Variants in PDS5A observed in about 807,000 individuals in gnomAD.
PDS5A encodes PDS5 cohesin associated factor A.
In PDS5A, 42 loss-of-function variants were observed where a neutral mutation model predicts 167.1. The ratio of observed to expected loss-of-function variants is 0.25; its 90% CI spans 0.20 to 0.33. The LOEUF (loss-of-function observed/expected upper bound fraction) is 0.33, where lower values mean the gene tolerates loss of function less well. Ranked by LOEUF, PDS5A falls within the 10% of genes least tolerant of loss-of-function variation. PDS5A has a pLI of 1.00. For missense variants in PDS5A, 1,033 were observed against 1,605.9 expected, an observed-to-expected ratio of 0.64 and a Z score of 6.10; for synonymous variants, 553 against 554.6, an observed-to-expected ratio of 1.00 and a Z score of 0.04.
chr4:39,841,184 G>C (rs1189492952), intron 31 of PDS5A, among the ~76,000 whole-genome samples: 1 of 152,206 alleles, frequency 6.6e-6, no homozygotes, highest in African/African-American at 2.4e-5. Flanking sequence ...CTGTCGTTCA[G>C]GCTGGAGTGC....
intron 26 of PDS5A, among the ~76,000 whole-genome samples, chr4:39,850,038 C>T (rs1027287593): frequency 8.6e-5 from 13 of 151,776 alleles, no homozygotes; most frequent in Admixed American, 2.6e-4. Flanking sequence ...TTTGGGAGGC[C>T]GAGGTGGGCA....
At chr4:39,911,887 CA>C (rs1348309264) in intron 9 of PDS5A, among the ~76,000 whole-genome samples, 2 of 148,630 alleles carry the variant, frequency 1.3e-5, no homozygotes, top group Admixed American at 6.7e-5. Context: ...AAGGAACCCT[CA>C]AATTTAAAAC....
chr4:39,863,782 T>G (rs1314623126), intron 23 of PDS5A, among the ~76,000 whole-genome samples: 1 of 152,206 alleles, frequency 6.6e-6, no homozygotes, highest in Non-Finnish European at 1.5e-5. Flanking sequence ...AAAAACTCTT[T>G]ACATCAGGAG....
intron 19 of PDS5A, among the ~76,000 whole-genome samples, chr4:39,875,759 C>G (rs1042320971): frequency 5.9e-5 from 9 of 152,138 alleles, no homozygotes; most frequent in African/African-American, 2.2e-4. Context: ...TTTCCTCTCT[C>G]CTATCTGTTT....
At position 39,825,503 on chromosome 4, in the gene PDS5A, T is replaced by A; in HGVS notation, c.4011-15A>T. Reference sequence around the variant, plus strand: ...TGCATTTTTACCTTAGGGTTAAGAATAGAACGCAAAGTTAGAAAAGATGTG... The same window carrying A: ...TGCATTTTTACCTTAGGGTTAAGAAAAGAACGCAAAGTTAGAAAAGATGTG... On this transcript the variant is annotated splice_polypyrimidine_tract_variant and intron_variant, in intron 32 of 32. Transcript: ENST00000303538. The A allele has an allele frequency of 6.4e-7, 1 of 1,568,522 alleles. No homozygotes were observed. The highest frequency in any genetic ancestry group is 1.2e-5 in the South Asian group (1 of 85,258).
intron 23 of PDS5A, among the ~76,000 whole-genome samples, chr4:39,866,326 C>T (rs1350553052): frequency 6.6e-6 from 1 of 151,994 alleles, no homozygotes; most frequent in Non-Finnish European, 1.5e-5. Flanking sequence ...ACCATATTGG[C>T]CAGGCTGGTC....
intron 2 of PDS5A, among the ~76,000 whole-genome samples, chr4:39,953,324 T>C (rs1227890070): frequency 2.0e-5 from 3 of 152,084 alleles, no homozygotes; most frequent in Admixed American, 2.0e-4. Flanking sequence ...GTGAGAAACC[T>C]AGGTTGTTGG....
In PDS5A at chr4:39,877,156, G is replaced by GA. The variant is rs758876359; in HGVS notation, c.1993-4dup. The GA allele has an allele frequency of 5.2e-6, 8 of 1,524,728 alleles. No homozygotes were observed. In the African/African-American group the frequency reaches 5.6e-5, roughly 11 times the overall value. The allele number at this position is 1,524,728 out of a possible 1,614,324, so 94.4% of individuals were successfully genotyped here. A position where few individuals can be genotyped will look rare whatever the true frequency, so the allele number is the denominator to read the frequency against. Reference sequence around the variant, plus strand: ...GTAGGATGTGTAAAAGACAGAACCTGAAAAAACAGATACAGCTTTAGAAGT... The same window carrying GA: ...GTAGGATGTGTAAAAGACAGAACCTGAAAAAAACAGATACAGCTTTAGAAGT... On this transcript the variant is annotated splice_polypyrimidine_tract_variant and splice_region_variant and intron_variant, in intron 18 of 32. Transcript: ENST00000303538.
At chr4:39,880,376 T>C (rs1356365339) in intron 17 of PDS5A, among the ~76,000 whole-genome samples, 1 of 152,162 alleles carries the variant, frequency 6.6e-6, no homozygotes, top group Non-Finnish European at 1.5e-5. Context: ...ATTAAGGAAT[T>C]AGTTTTTCAA....
At chr4:39,893,002 T>C (rs1471664318) in intron 16 of PDS5A, among the ~76,000 whole-genome samples, 5 of 152,232 alleles carry the variant, frequency 3.3e-5, no homozygotes, top group Non-Finnish European at 7.3e-5. Context: ...ATAATATTTA[T>C]AGGTGAAGAA....
At chr4:39,973,361 C>T in intron 2 of PDS5A, 1 of 1,604,696 alleles carries the variant, frequency 6.2e-7, no homozygotes, top group Non-Finnish European at 8.5e-7. Flanking sequence ...TGTGGCTGTG[C>T]ATTAAGATGT....
intron 32 of PDS5A, among the ~76,000 whole-genome samples, chr4:39,826,064 A>T (rs1009425268): frequency 5.9e-5 from 9 of 152,196 alleles, no homozygotes; most frequent in African/African-American, 2.2e-4. Context: ...TTACAACATT[A>T]AAAGCTATTT....
chr4:39,923,654 C>CACACACACACAT (rs1725212469), intron 5 of PDS5A, among the ~76,000 whole-genome samples: 2 of 151,734 alleles, frequency 1.3e-5, no homozygotes, highest in African/African-American at 4.8e-5. Flanking sequence ...CACACACACA[C>CACACACACACAT]ACACACACAC....
intron 32 of PDS5A, among the ~76,000 whole-genome samples, chr4:39,834,043 G>A (rs1030337971): frequency 7.9e-5 from 12 of 152,042 alleles, no homozygotes; most frequent in Admixed American, 1.3e-4. Context: ...GTACAATCCC[G>A]AAGACAAAGC....
In PDS5A at chr4:39,873,090, C is replaced by G. The variant is rs1299153924; in HGVS notation, c.2332G>C (p.Val778Leu). 2 of 1,544,664 alleles carry G rather than the reference C, an allele frequency of 1.3e-6. No individual in the cohort carries two copies. Among genetic ancestry groups the G allele is most frequent in the African/African-American group, 1.3e-5 (1 of 74,180 alleles). Residue 778 changes from valine (V) to leucine (L), a missense_variant, in exon 21 of 33, where the codon GTT becomes CTT. Val to Leu is a conservative substitution (Grantham distance 32). Coordinates refer to ENST00000303538, the MANE Select transcript of PDS5A (RefSeq NM_001100399.2). ...AACATAGAAATGTGGCCCAATGAAACTAATGGAGTTATAAGTTGTTCTGGC... is the reference window on the plus strand; with the variant it reads ...AACATAGAAATGTGGCCCAATGAAAGTAATGGAGTTATAAGTTGTTCTGGC... The part of the protein sequence containing the change: ...DVPEQLITPL[V>L]SLGHISMLAP...
intron 7 of PDS5A, among the ~76,000 whole-genome samples, chr4:39,918,715 G>A (rs34253790): frequency 0.12 from 18,506 of 151,938 alleles, 1,310 homozygotes; most frequent in African/African-American, 0.21. Context: ...TTAGCAGGGC[G>A]TGGTGGCACA....
intron 29 of PDS5A, among the ~76,000 whole-genome samples, chr4:39,845,467 C>T (rs1192114824): frequency 1.3e-5 from 2 of 152,064 alleles, no homozygotes; most frequent in Non-Finnish European, 2.9e-5. Context: ...TTAGGTGTCA[C>T]CATATTACTT....
intron 2 of PDS5A, 90 bp downstream of exon 2, chr4:39,976,350 G>C (rs1731079188): frequency 9.1e-7 from 1 of 1,099,430 alleles, no homozygotes; most frequent in Non-Finnish European, 1.3e-6. Context: ...TAAAAAACTT[G>C]GAACTTTAAA....
intron 32 of PDS5A, among the ~76,000 whole-genome samples, chr4:39,832,290 T>G (rs921819453): frequency 2.6e-5 from 4 of 151,674 alleles, no homozygotes; most frequent in African/African-American, 9.7e-5. Flanking sequence ...CTCTGCTCAC[T>G]GCAAGCTCCG....
Sources: allele counts gnomAD v4.1 joint callset (sites outside exome capture counted in the v4.1 genomes callset), GRCh38; gene constraint gnomAD v4.1.1; transcripts MANE v1.5; gene names NCBI Gene and HGNC (gene_info 2026-07-23, HGNC 2026-07-21).